The following LIPT1 variants were observed in gnomAD, a reference collection of about 807,000 sequenced individuals.
The protein encoded by LIPT1 is lipoyltransferase 1.
In LIPT1, 22 loss-of-function variants were observed where a neutral mutation model predicts 25.1. That is an observed-to-expected ratio of 0.88 (90% CI 0.63 to 1.25). LIPT1 has a LOEUF of 1.25. Ranked by LOEUF, LIPT1 falls within the 50% of genes most tolerant of loss-of-function variation. LIPT1 has a pLI of 0.00. For synonymous variants in LIPT1, 131 were observed against 150.8 expected, an observed-to-expected ratio of 0.87 and a Z score of 0.96; for missense variants, 399 against 432.8, an observed-to-expected ratio of 0.92 and a Z score of 0.69.
Position 99,162,832 on chromosome 2 carries a change from C to G in LIPT1, c.875C>G (p.Ser292Ter), listed in dbSNP as rs137891647. The G allele has an allele frequency of 6.9e-4, 1,113 of 1,613,660 alleles. No individual in the cohort carries two copies. Among genetic ancestry groups the G allele is most frequent in the Non-Finnish European group, 8.2e-4 (969 of 1,179,696 alleles). The change falls in exon 2 of 2, where the codon TCA (serine) becomes TGA (stop). Residue 292 changes from serine (S) to a stop codon, truncating the protein, a stop_gained. Coordinates refer to ENST00000651691, the MANE Select transcript of LIPT1 (RefSeq NM_145199.3). LOFTEE classifies it high-confidence loss of function. ...TCCTTTCATGTGTTATATGAACAGT[C>G]ACACTTGGAAATTAAAGTATTCATA... ...NTSFHVLYEQSHLEIKVFIDI... is the reference protein window; with the variant it reads ...NTSFHVLYEQ
Position 99,163,102 on chromosome 2 carries a change from A to T in LIPT1, c.*23A>T, listed in dbSNP as rs1482898762. 7.0e-7 allele frequency: 1 copy of T among 1,436,694 alleles called. No individual in the cohort carries two copies. The highest frequency in any genetic ancestry group is 9.3e-7 in the Non-Finnish European group (1 of 1,079,934). 89.0% of individuals were successfully genotyped at this position (1,436,694 alleles called of 1,614,324 possible). A position where few individuals can be genotyped will look rare whatever the true frequency, so the allele number is the denominator to read the frequency against. On this transcript the variant is annotated 3_prime_UTR_variant, in exon 2 of 2. Coordinates refer to ENST00000651691, the MANE Select transcript of LIPT1 (RefSeq NM_145199.3). The stretch of plus-strand genomic sequence containing the variant: ...TGATTCCAAGTAAATGTCTTAATAC[A>T]GTTTCAATTAGAAAATAAAATGTCT...
At chr2:99,155,268 G>A in intron 1 of LIPT1, 1 of 365,644 alleles carries the variant, frequency 2.7e-6, no homozygotes, top group Non-Finnish European at 5.4e-6. Flanking sequence ...ACAGGAGGGA[G>A]GGTAAATATC....
intron 1 of LIPT1, among the ~76,000 whole-genome samples, chr2:99,158,508 G>C (rs2093767553): frequency 6.6e-6 from 1 of 151,810 alleles, no homozygotes. Flanking sequence ...GAGCCCAGGA[G>C]GTCGGGGCTG....
At chr2:99,156,751 A>G (rs956017008) in intron 1 of LIPT1, 3 of 152,246 alleles carry the variant, frequency 2.0e-5, no homozygotes, top group Admixed American at 6.5e-5. Flanking sequence ...CACTATTAAA[A>G]TACATGCATT....
intron 1 of LIPT1, 175 bp downstream of exon 1, chr2:99,155,226 AATTTC>A (rs2093738828): frequency 2.7e-6 from 1 of 371,732 alleles, no homozygotes; most frequent in South Asian, 1.9e-5. Flanking sequence ...GGGACGACCT[AATTTC>A]ACTGTTAGGA....
chr2:99,155,475 C>G (rs1285074574), intron 1 of LIPT1: 3 of 455,992 alleles, frequency 6.6e-6, no homozygotes, highest in South Asian at 1.5e-5. Flanking sequence ...GCTGTTTTCG[C>G]TTTCAGTTCA....
chr2:99,159,537 C>A (rs2632283), intron 1 of LIPT1, among the ~76,000 whole-genome samples: 1 of 152,096 alleles, frequency 6.6e-6, no homozygotes, highest in East Asian at 1.9e-4. Flanking sequence ...GAGGCAGATT[C>A]GTATAACAGC....
chr2:99,155,445 A>G, intron 1 of LIPT1: 1 of 455,398 alleles, frequency 2.2e-6, no homozygotes, highest in Non-Finnish European at 4.4e-6. Flanking sequence ...GCGCCTGCCT[A>G]GAAAGATAGA....
intron 1 of LIPT1, 101 bp from the exon 2 acceptor site, chr2:99,161,856 C>T: frequency 9.1e-7 from 1 of 1,103,082 alleles, no homozygotes; most frequent in South Asian, 1.7e-5. Context: ...GCACTGGATA[C>T]TTTAAGTTTG....
intron 1 of LIPT1, among the ~76,000 whole-genome samples, chr2:99,157,872 A>T (rs2093764812): frequency 6.6e-6 from 1 of 152,216 alleles, no homozygotes; most frequent in South Asian, 2.1e-4. Flanking sequence ...AGTCAAAATG[A>T]ACCAATTATC....
rs775322849 is a variant in LIPT1 at position 99,162,462 on chromosome 2, A to C, written c.505A>C (p.Ile169Leu). 4 of 1,613,950 alleles carry C rather than the reference A, an allele frequency of 2.5e-6. No homozygotes were observed. In the African/African-American group the frequency reaches 4.0e-5, roughly 16 times the overall value. The change falls in exon 2 of 2, where the codon ATC (isoleucine) becomes CTC (leucine). Residue 169 changes from isoleucine (I) to leucine (L), a missense_variant. Ile to Leu is a conservative substitution (Grantham distance 5, BLOSUM62 2). Coordinates refer to ENST00000651691, the MANE Select transcript of LIPT1 (RefSeq NM_145199.3). ...TAAAATCTCAGGAACAGCTTCTAAG[A>C]TCGGCCGGACTACTGCCTATCACCA... is the stretch of plus-strand genomic sequence containing the variant. ...QFKISGTASK[I>L]GRTTAYHHCT...
chr2:99,159,014 C>T (rs928050402), intron 1 of LIPT1, among the ~76,000 whole-genome samples: 12 of 152,122 alleles, frequency 7.9e-5, no homozygotes, highest in East Asian at 1.9e-4. Flanking sequence ...CTGCAAGCTC[C>T]GCCTCCCGGG....
chr2:99,155,123 G>A (rs936838600), intron 1 of LIPT1, 72 bp downstream of exon 1: 23 of 449,906 alleles, frequency 5.1e-5, no homozygotes, highest in Non-Finnish European at 9.4e-5. Context: ...GGGGTCTTGG[G>A]CGCGCGCGGT....
At position 99,162,335 on chromosome 2, in the gene LIPT1, A is replaced by G. The variant is rs2093800907; in HGVS notation, c.378A>G (p.Arg126=). 1 of 1,613,492 alleles carries G rather than the reference A, an allele frequency of 6.2e-7. No individual in the cohort carries two copies. The highest frequency in any genetic ancestry group is 1.3e-5 in the African/African-American group (1 of 74,896). Residue 126 remains arginine (R), a synonymous_variant, in exon 2 of 2, where the codon AGA becomes AGG. Coordinates refer to ENST00000651691, the MANE Select transcript of LIPT1 (RefSeq NM_145199.3). ...TTACAACCAAAAAAAAGTATGATAG[A>G]ATGGAAAATCTGAAATTAATTGTGA... ...TFFTTKKKYD[R]MENLKLIVRA...
chr2:99,161,799 A>T (rs1053871077), intron 1 of LIPT1, 158 bp from the exon 2 acceptor site: 1 of 550,468 alleles, frequency 1.8e-6, no homozygotes, highest in African/African-American at 1.9e-5. Context: ...ATACTTGGTT[A>T]TAGCATTGCT....
chr2:99,155,173 C>T (rs1159463234), intron 1 of LIPT1, 122 bp downstream of exon 1: 12 of 417,232 alleles, frequency 2.9e-5, no homozygotes, highest in South Asian at 1.4e-4. Flanking sequence ...TCGCCTCCGC[C>T]GGTGTTGAAG....
At chr2:99,155,778 C>T (rs1024584799) in intron 1 of LIPT1, among the ~76,000 whole-genome samples, 6 of 152,192 alleles carry the variant, frequency 3.9e-5, no homozygotes, top group African/African-American at 1.4e-4. Flanking sequence ...TGAATCCACG[C>T]CTTCTCTAGG....
At chr2:99,158,861 G>GT (rs1205380421) in intron 1 of LIPT1, among the ~76,000 whole-genome samples, 5 of 152,116 alleles carry the variant, frequency 3.3e-5, no homozygotes, top group African/African-American at 9.7e-5. Context: ...TGCCTTACTT[G>GT]TTTTTTAGTA....
chr2:99,162,292 A>G lies in LIPT1; in HGVS notation c.335A>G (p.Asn112Ser). 2 of 1,612,822 alleles carry G rather than the reference A, an allele frequency of 1.2e-6. No individual in the cohort carries two copies. The highest frequency in any genetic ancestry group is 1.6e-4 in the Middle Eastern group (1 of 6,062). The change falls in exon 2 of 2, where the codon AAT becomes AGT. Residue 112 changes from asparagine (N) to serine (S), a missense_variant. Transcript: ENST00000651691. ...GGGTVYHDMGNINLTFFTTKK... is the reference protein window; with the variant it reads ...GGGTVYHDMGSINLTFFTTKK... The stretch of plus-strand genomic sequence containing the variant: ...GGAACAGTCTACCATGATATGGGTA[A>G]TATCAATTTGACTTTCTTTACAACC...
Sources: gnomAD v4.1 joint callset for allele counts (sites outside exome capture counted in the v4.1 genomes callset) on GRCh38, gnomAD v4.1.1 for gene constraint, MANE v1.5 for transcripts, NCBI Gene and HGNC (gene_info 2026-07-23, HGNC 2026-07-21) for gene names.